SCOC: variants seen among roughly 807,000 people sequenced by gnomAD.
The protein encoded by SCOC is short coiled-coil protein, also known as short coiled coil protein.
SCOC carries 7 observed loss-of-function variants against 9.9 expected under a neutral mutation model. The observed-to-expected ratio is 0.71, with a 90% CI of 0.40 to 1.33. The LOEUF is 1.33. Ranked by LOEUF, SCOC falls within the 40% of genes most tolerant of loss-of-function variation. The probability of loss-of-function intolerance (pLI) is 0.01; values close to 1 mark genes in which losing one functional copy is unlikely to be tolerated. For missense variants in SCOC, 66 were observed against 89.7 expected, an observed-to-expected ratio of 0.74 and a Z score of 1.07; for synonymous variants, 19 against 28.2, an observed-to-expected ratio of 0.67 and a Z score of 1.03.
At chr4:140,341,508 G>T (rs1726509941), upstream of SCOC, among the ~76,000 whole-genome samples, 1 of 152,152 alleles carries the variant, frequency 6.6e-6, no homozygotes, top group Non-Finnish European at 1.5e-5. Context: ...GTGCCTACCT[G>T]TAGGACTGTT....
At chr4:140,289,685 A>G (rs891693761) in intron 1 of SCOC, among the ~76,000 whole-genome samples, 1 of 152,186 alleles carries the variant, frequency 6.6e-6, no homozygotes, top group African/African-American at 2.4e-5. Flanking sequence ...ACTAGTGCCA[A>G]CAGGTTGTGC....
At chr4:140,372,881 C>T (rs558139567), upstream of SCOC, among the ~76,000 whole-genome samples, 2 of 152,304 alleles carry the variant, frequency 1.3e-5, no homozygotes, top group African/African-American at 4.8e-5. Flanking sequence ...GAAGAACACT[C>T]CACTCTTGAT....
At chr4:140,282,899 A>G (rs1424526197) in intron 1 of SCOC, among the ~76,000 whole-genome samples, 3 of 152,244 alleles carry the variant, frequency 2.0e-5, no homozygotes, top group African/African-American at 7.2e-5. Context: ...GAAACAGTAT[A>G]TGCAATATTT....
At chr4:140,280,661 C>T (rs1731077570) in intron 1 of SCOC, among the ~76,000 whole-genome samples, 1 of 152,168 alleles carries the variant, frequency 6.6e-6, no homozygotes, top group Non-Finnish European at 1.5e-5. Flanking sequence ...CCTGTGTTTT[C>T]ATGGACTCCT....
At chr4:140,308,035 T>C (rs2126462856) in intron 1 of SCOC, among the ~76,000 whole-genome samples, 2 of 152,244 alleles carry the variant, frequency 1.3e-5, no homozygotes, top group East Asian at 3.9e-4. Flanking sequence ...ATGTCAGGTA[T>C]TTGCTGGTGG....
At chr4:140,285,963 T>A (rs1731255531) in intron 1 of SCOC, among the ~76,000 whole-genome samples, 1 of 152,048 alleles carries the variant, frequency 6.6e-6, no homozygotes, top group South Asian at 2.1e-4. Flanking sequence ...GGCAGGTACA[T>A]CACCTGAGGT....
chr4:140,264,249 C>T (rs1421397763), intron 1 of SCOC, among the ~76,000 whole-genome samples: 1 of 152,124 alleles, frequency 6.6e-6, no homozygotes. Context: ...GTGATCATCC[C>T]TTCTCAGCCT....
upstream of SCOC, chr4:140,373,606 C>T (rs780142144): frequency 1.4e-5 from 21 of 1,551,610 alleles, no homozygotes; most frequent in African/African-American, 2.3e-4. Flanking sequence ...ATTCTTCTCA[C>T]GGCGCACGTT....
chr4:140,377,535 T>C (rs1728394050), intron 1 of SCOC, among the ~76,000 whole-genome samples: 1 of 152,218 alleles, frequency 6.6e-6, no homozygotes, highest in African/African-American at 2.4e-5. Flanking sequence ...TATTTAATAA[T>C]GTTATACAAG....
intron 1 of SCOC, among the ~76,000 whole-genome samples, chr4:140,335,770 G>C (rs562056301): frequency 1.3e-5 from 2 of 152,250 alleles, no homozygotes; most frequent in Admixed American, 1.3e-4. Flanking sequence ...TTGATATTTT[G>C]AGATCATGAC....
At chr4:140,282,772 A>T (rs1453874031) in intron 1 of SCOC, among the ~76,000 whole-genome samples, 1 of 152,222 alleles carries the variant, frequency 6.6e-6, no homozygotes, top group Non-Finnish European at 1.5e-5. Flanking sequence ...AATGACATTC[A>T]GGTACCTCCC....
chr4:140,277,221 C>G (rs1207231628), intron 1 of SCOC, among the ~76,000 whole-genome samples: 1 of 152,076 alleles, frequency 6.6e-6, no homozygotes, highest in African/African-American at 2.4e-5. Context: ...CTATGACCTA[C>G]AGGCCAAGAG....
chr4:140,266,567 A>G (rs1479460555), intron 1 of SCOC, among the ~76,000 whole-genome samples: 1 of 152,180 alleles, frequency 6.6e-6, no homozygotes, highest in East Asian at 1.9e-4. Flanking sequence ...GAAGAACCTC[A>G]ACATTAAATT....
chr4:140,330,048 C>T (rs1490230300), intron 1 of SCOC, among the ~76,000 whole-genome samples: 1 of 152,140 alleles, frequency 6.6e-6, no homozygotes, highest in African/African-American at 2.4e-5. Context: ...AATATGAAAC[C>T]AGCCCAAATG....
At chr4:140,357,315 T>C (rs1727274749) in intron 2 of SCOC, among the ~76,000 whole-genome samples, 1 of 152,218 alleles carries the variant, frequency 6.6e-6, no homozygotes, top group Non-Finnish European at 1.5e-5. Flanking sequence ...ACAGAGATTC[T>C]ATTCCTACTG....
At chr4:140,377,506 T>C (rs1009265337) in intron 1 of SCOC, among the ~76,000 whole-genome samples, 1 of 152,238 alleles carries the variant, frequency 6.6e-6, no homozygotes. Context: ...AAATTAATTG[T>C]ATACCATTTG....
At chr4:140,258,059 C>T (rs2126381634) in intron 1 of SCOC, among the ~76,000 whole-genome samples, 1 of 152,334 alleles carries the variant, frequency 6.6e-6, no homozygotes, top group African/African-American at 2.4e-5. Context: ...GGTCGTCCGG[C>T]TGCTCCCACT....
intron 2 of SCOC, among the ~76,000 whole-genome samples, chr4:140,356,219 A>C (rs766886829): frequency 6.6e-6 from 1 of 152,246 alleles, no homozygotes; most frequent in Non-Finnish European, 1.5e-5. Flanking sequence ...ATCTCAAACT[A>C]TAGAAAATTT....
intron 1 of SCOC, among the ~76,000 whole-genome samples, chr4:140,316,547 G>A (rs1019138718): frequency 4.6e-5 from 7 of 152,144 alleles, no homozygotes; most frequent in Non-Finnish European, 8.8e-5. Flanking sequence ...AAACATACAC[G>A]TAGACCAAAA....
Sources: allele counts gnomAD v4.1 joint callset (sites outside exome capture counted in the v4.1 genomes callset), GRCh38; gene constraint gnomAD v4.1.1; transcripts MANE v1.5; gene names NCBI Gene and HGNC (gene_info 2026-07-23, HGNC 2026-07-21).